Variants in USH2A observed in about 807,000 individuals in gnomAD.
The protein encoded by USH2A is usherin.
In USH2A, 443 loss-of-function variants were observed where a neutral mutation model predicts 538.9. The observed-to-expected ratio is 0.82, with a 90% CI of 0.76 to 0.89. The LOEUF is 0.89. Among genes scored for constraint, USH2A ranks in the 40% least tolerant of loss-of-function variants. The pLI, the probability that USH2A is intolerant of heterozygous loss-of-function variation, is 0.00. For synonymous variants in USH2A, 2,413 were observed against 2,273.5 expected (o/e 1.06, Z -1.75); for missense variants, 6,633 against 6,324.8 (o/e 1.05, Z -1.65).
intron 3 of USH2A, among the ~76,000 whole-genome samples, chr1:216,383,645 T>C (rs2038956043): frequency 6.6e-6 from 1 of 152,142 alleles, no homozygotes; most frequent in Non-Finnish European, 1.5e-5. Flanking sequence ...CTGAAATTAT[T>C]ATCTTCACGT....
intron 61 of USH2A, among the ~76,000 whole-genome samples, chr1:215,688,865 C>T (rs1658514798): frequency 6.6e-6 from 1 of 152,048 alleles, no homozygotes; most frequent in Non-Finnish European, 1.5e-5. Context: ...CAATCCATTT[C>T]ATAACATGGG....
intron 49 of USH2A, among the ~76,000 whole-genome samples, chr1:215,809,188 T>C (rs2102788817): frequency 1.3e-5 from 2 of 152,306 alleles, no homozygotes; most frequent in South Asian, 4.1e-4. Context: ...ATATTTTTTG[T>C]CTTCACAGTC....
chr1:216,173,663 A>G (rs1287407556), intron 21 of USH2A, among the ~76,000 whole-genome samples: 2 of 152,108 alleles, frequency 1.3e-5, no homozygotes, highest in African/African-American at 2.4e-5. Flanking sequence ...AGCAAGGGAG[A>G]TAGCGAGGAT....
intron 32 of USH2A, among the ~76,000 whole-genome samples, chr1:216,013,397 G>T (rs956194613): frequency 6.6e-6 from 1 of 151,296 alleles, no homozygotes; most frequent in Non-Finnish European, 1.5e-5. Context: ...CAAAATTTTC[G>T]CTGTCCCAAC....
At chr1:216,161,527 A>C (rs896349663) in intron 21 of USH2A, among the ~76,000 whole-genome samples, 1 of 152,090 alleles carries the variant, frequency 6.6e-6, no homozygotes, top group African/African-American at 2.4e-5. Context: ...TTTTTCTTAC[A>C]TGTTATCAAC....
intron 61 of USH2A, 79 bp downstream of exon 61, chr1:215,727,951 G>A: frequency 6.6e-7 from 1 of 1,504,964 alleles, no homozygotes; most frequent in Non-Finnish European, 9.2e-7. Context: ...GAAGAAAAAT[G>A]AGAAGTTGGA....
At chr1:216,135,683 T>G (rs574325349) in intron 21 of USH2A, among the ~76,000 whole-genome samples, 3 of 152,256 alleles carry the variant, frequency 2.0e-5, no homozygotes, top group Non-Finnish European at 2.9e-5. Flanking sequence ...TACATACATA[T>G]GAAAACAATT....
chr1:215,879,876 G>A (rs1664863877), intron 41 of USH2A, among the ~76,000 whole-genome samples: 1 of 152,096 alleles, frequency 6.6e-6, no homozygotes, highest in South Asian at 2.1e-4. Flanking sequence ...TAAAAAATGT[G>A]CACAGGCCAT....
intron 13 of USH2A, among the ~76,000 whole-genome samples, chr1:216,233,947 G>T (rs1002603814): frequency 3.9e-5 from 6 of 152,076 alleles, no homozygotes; most frequent in African/African-American, 1.4e-4. Context: ...ATGCTGCAAA[G>T]AATTTTACTG....
At chr1:215,900,616 C>T (rs1406273759) in intron 39 of USH2A, 139 bp downstream of exon 39, 6 of 1,123,546 alleles carry the variant, frequency 5.3e-6, no homozygotes, top group African/African-American at 4.7e-5. Flanking sequence ...AAATGATTAT[C>T]CTCTAATTGT....
At chr1:216,137,179 G>A (rs997196023) in intron 21 of USH2A, among the ~76,000 whole-genome samples, 2 of 152,140 alleles carry the variant, frequency 1.3e-5, no homozygotes, top group Non-Finnish European at 2.9e-5. Context: ...ACCCTTTGGT[G>A]GCATGCAAAG....
chr1:215,842,819 C>G (rs1663720819), intron 46 of USH2A, among the ~76,000 whole-genome samples: 3 of 151,824 alleles, frequency 2.0e-5, no homozygotes, highest in Non-Finnish European at 2.9e-5. Flanking sequence ...GGGGGGGCAT[C>G]AGGGGAGGGA....
chr1:215,757,692 T>A (rs1660852278), intron 58 of USH2A, among the ~76,000 whole-genome samples: 2 of 152,192 alleles, frequency 1.3e-5, no homozygotes, highest in African/African-American at 4.8e-5. Flanking sequence ...ATTAATGCAG[T>A]CAGGATTTTA....
intron 21 of USH2A, among the ~76,000 whole-genome samples, chr1:216,163,782 G>T (rs1343120920): frequency 1.3e-5 from 2 of 151,382 alleles, no homozygotes; most frequent in Non-Finnish European, 1.5e-5. Context: ...TTTTTTGCCT[G>T]TCTTTTTTTT....
chr1:216,150,604 T>C (rs2033811254), intron 21 of USH2A, among the ~76,000 whole-genome samples: 1 of 152,126 alleles, frequency 6.6e-6, no homozygotes. Flanking sequence ...CCCTCACCTT[T>C]ACCCTCCTGA....
At chr1:216,185,069 G>A (rs2034572193) in intron 20 of USH2A, among the ~76,000 whole-genome samples, 1 of 151,880 alleles carries the variant, frequency 6.6e-6, no homozygotes, top group Non-Finnish European at 1.5e-5. Context: ...CGGATTAAAA[G>A]GAGAATCTTA....
Position 215,671,877 on chromosome 1 carries a change from A to G in USH2A, c.13812-584T>C, listed in dbSNP as rs575894360. On this transcript the variant is annotated intron_variant, in intron 63 of 71. Transcript: ENST00000307340. ...AGGAATGTTTCCAGGTCATGAAGGAACATCATGGAATTACGGTCTCAGTGG... is the reference window on the plus strand; with the variant it reads ...AGGAATGTTTCCAGGTCATGAAGGAGCATCATGGAATTACGGTCTCAGTGG... 3.3e-5 allele frequency among the ~76,000 whole-genome samples: 5 copies of G among 152,244 alleles called. No individual in the cohort carries two copies. In the East Asian group the frequency reaches 9.7e-4, roughly 30 times the overall value.
chr1:215,932,636 ACTGT>A (rs1161411928), intron 38 of USH2A, among the ~76,000 whole-genome samples: 7 of 152,190 alleles, frequency 4.6e-5, no homozygotes, highest in South Asian at 4.1e-4. Flanking sequence ...TTAGCGAATC[ACTGT>A]CTGTCTTTGA....
chr1:215,625,976 G>A, intron 71 of USH2A, 106 bp from the exon 72 acceptor site: 1 of 1,141,994 alleles, frequency 8.8e-7, no homozygotes, highest in African/African-American at 1.6e-5. Context: ...AGTATTAAAG[G>A]CTTTTTTATT....
Sources: gnomAD v4.1 joint callset for allele counts (sites outside exome capture counted in the v4.1 genomes callset) on GRCh38, gnomAD v4.1.1 for gene constraint, MANE v1.5 for transcripts, NCBI Gene and HGNC (gene_info 2026-07-23, HGNC 2026-07-21) for gene names.